Variants in PAX7 observed in about 807,000 individuals in gnomAD.
PAX7 encodes paired box protein Pax-7.
A neutral mutation model predicts 50.7 loss-of-function variants in PAX7; 18 were observed. The observed-to-expected ratio is 0.36, with a 90% CI of 0.25 to 0.53. The LOEUF is 0.53. Ranked by LOEUF, PAX7 falls within the 20% of genes least tolerant of loss-of-function variation. PAX7 has a pLI of 0.93. For missense variants in PAX7, 644 were observed against 702.9 expected (o/e 0.92, Z 0.95); for synonymous variants, 310 against 290.4 (o/e 1.07, Z -0.69).
At chr1:18,651,701 C>G (rs1424938777) in intron 4 of PAX7, among the ~76,000 whole-genome samples, 1 of 152,078 alleles carries the variant, frequency 6.6e-6, no homozygotes, top group Non-Finnish European at 1.5e-5. Flanking sequence ...TCAGGGTCCC[C>G]CAAAGGTTAA....
chr1:18,727,813 G>A (rs1031851955), intron 7 of PAX7, among the ~76,000 whole-genome samples: 1 of 152,310 alleles, frequency 6.6e-6, no homozygotes, highest in Non-Finnish European at 1.5e-5. Flanking sequence ...GGCAGGTGCA[G>A]GGCTTCGGTG....
chr1:18,713,063 C>A (rs1052618706), intron 7 of PAX7, among the ~76,000 whole-genome samples: 2 of 152,058 alleles, frequency 1.3e-5, no homozygotes, highest in African/African-American at 4.8e-5. Flanking sequence ...GCCGGGGCAA[C>A]AGATCAAGAC....
intron 7 of PAX7, among the ~76,000 whole-genome samples, chr1:18,709,794 A>G (rs1216996063): frequency 6.6e-6 from 1 of 152,166 alleles, no homozygotes; most frequent in Admixed American, 6.5e-5. Context: ...AGAGCTCACG[A>G]TGCTACTGTG....
intron 4 of PAX7, among the ~76,000 whole-genome samples, chr1:18,643,781 C>T (rs554622830): frequency 5.9e-5 from 9 of 152,364 alleles, no homozygotes; most frequent in African/African-American, 1.9e-4. Context: ...GTCCCGGCGG[C>T]TCGCTGCGAT....
In PAX7 at chr1:18,744,910, A is replaced by G; in HGVS notation, c.1499A>G (p.Glu500Gly). 1 of 1,551,042 alleles carries G rather than the reference A, an allele frequency of 6.4e-7. No homozygotes were observed. The highest frequency in any genetic ancestry group is 8.7e-7 in the Non-Finnish European group (1 of 1,145,584). The change falls in exon 9 of 9, where the codon GAA (glutamate) becomes GGA (glycine). Residue 500 changes from glutamate (E) to glycine (G), a missense_variant. Coordinates refer to ENST00000420770, the MANE Select transcript of PAX7 (RefSeq NM_001135254.2). Reference sequence around the variant, plus strand: ...GCTGTGCTGGGACTCCTGCCTGTGGAAACTGGCCAGGCCTACTAGGGCCCC... The same window carrying G: ...GCTGTGCTGGGACTCCTGCCTGTGGGAACTGGCCAGGCCTACTAGGGCCCC... ...HSAVLGLLPV[E>G]TGQAY
intron 7 of PAX7, among the ~76,000 whole-genome samples, chr1:18,727,417 A>T (rs929245846): frequency 3.3e-5 from 5 of 150,044 alleles, no homozygotes; most frequent in African/African-American, 1.2e-4. Flanking sequence ...CACAGAGTTA[A>T]CACTCAGGTA....
chr1:18,714,482 C>A (rs2100352654), intron 7 of PAX7, among the ~76,000 whole-genome samples: 1 of 152,270 alleles, frequency 6.6e-6, no homozygotes, highest in Admixed American at 6.5e-5. Context: ...AATTGAACTC[C>A]AGAAGTCTTG....
intron 7 of PAX7, among the ~76,000 whole-genome samples, chr1:18,714,505 A>G (rs1343853535): frequency 6.6e-6 from 1 of 152,154 alleles, no homozygotes; most frequent in East Asian, 1.9e-4. Context: ...AGGTTTCTCT[A>G]CCCAGGCAAT....
intron 4 of PAX7, among the ~76,000 whole-genome samples, chr1:18,647,150 C>T (rs1402805598): frequency 6.6e-6 from 1 of 152,082 alleles, no homozygotes; most frequent in East Asian, 1.9e-4. Context: ...TGGTGCAGGG[C>T]CTCGTCTGCT....
At chr1:18,693,050 A>T (rs575130465) in intron 5 of PAX7, among the ~76,000 whole-genome samples, 7 of 151,996 alleles carry the variant, frequency 4.6e-5, no homozygotes, top group Non-Finnish European at 8.8e-5. Flanking sequence ...AGGGTTGGGG[A>T]TGGAGGAGGA....
rs1570245574 is a variant in PAX7, at chr1:18,735,604, C to T, written c.1156-28C>T. ...GTGTCTCTGGGGTCTGTCCGGTGAGCCTGGCACTAATGGCCTTTTCCCCAC... is the reference window on the plus strand; with the variant it reads ...GTGTCTCTGGGGTCTGTCCGGTGAGTCTGGCACTAATGGCCTTTTCCCCAC... On this transcript the variant is annotated intron_variant, in intron 7 of 8. Coordinates refer to ENST00000420770, the MANE Select transcript of PAX7 (RefSeq NM_001135254.2). This position sits in a 1 kb window ranked among gnomAD's most constrained non-coding sequence, Gnocchi z 4.0. The T allele has an allele frequency of 5.6e-6, 9 of 1,594,648 alleles. No individual in the cohort carries two copies. The highest frequency in any genetic ancestry group is 6.9e-6 in the Non-Finnish European group (8 of 1,167,574).
At chr1:18,648,305 C>T (rs2088377411) in intron 4 of PAX7, among the ~76,000 whole-genome samples, 1 of 150,916 alleles carries the variant, frequency 6.6e-6, no homozygotes, top group African/African-American at 2.4e-5. Flanking sequence ...GGCAATGTCA[C>T]TCTTCATCCA....
rs773443474 is a variant in PAX7 at position 18,636,286 on chromosome 1, A to G, written c.501A>G (p.Lys167=). The G allele has an allele frequency of 1.2e-5, 19 of 1,614,088 alleles. No individual in the cohort carries two copies. Among genetic ancestry groups the G allele is most frequent in the Non-Finnish European group, 1.6e-5 (19 of 1,180,022 alleles). The change falls in exon 4 of 9, where the codon AAA becomes AAG. Residue 167 remains lysine, a synonymous_variant. Coordinates refer to ENST00000420770, the MANE Select transcript of PAX7 (RefSeq NM_001135254.2). This position sits in a 1 kb window ranked among gnomAD's most constrained non-coding sequence, Gnocchi z 5.1. The part of the protein sequence containing the change: ...SRVLRIKFGK[K]EEEDEADKKE... ...TGCTCAGAATCAAGTTCGGGAAGAA[A>G]GAGGAGGAGGATGAAGCGGACAAGA... is the stretch of plus-strand genomic sequence containing the variant.
At position 18,685,898 on chromosome 1, in the gene PAX7, T is replaced by TCCATCACCATCA. The variant is rs561049071; in HGVS notation, c.587-5828_587-5817dup. 3.1e-3 allele frequency among the ~76,000 whole-genome samples: 475 copies of TCCATCACCATCA among 151,884 alleles called. 3 individuals carry two copies. Among genetic ancestry groups the TCCATCACCATCA allele is most frequent in the South Asian group, 0.024 (113 of 4,796 alleles). On this transcript the variant is annotated intron_variant, in intron 4 of 8. Transcript: ENST00000420770. ...GGGAGCTGCCCCCAGCAACCTTCCA[T>TCCATCACCATCA]CCATCACCATCACCATCACCATCAC...
At chr1:18,639,449 GT>G (rs1170581967) in intron 4 of PAX7, among the ~76,000 whole-genome samples, 1 of 150,872 alleles carries the variant, frequency 6.6e-6, no homozygotes, top group African/African-American at 2.4e-5. Flanking sequence ...ATTGTTGGTG[GT>G]GAGTATTCTC....
chr1:18,708,910 C>G (rs949554553), intron 7 of PAX7, among the ~76,000 whole-genome samples: 2 of 152,120 alleles, frequency 1.3e-5, no homozygotes, highest in Admixed American at 1.3e-4. Flanking sequence ...AGACAGGCAT[C>G]AGAAAGTCAT....
At chr1:18,742,880 C>T (rs749073266) in intron 8 of PAX7, among the ~76,000 whole-genome samples, 24 of 152,214 alleles carry the variant, frequency 1.6e-4, no homozygotes, top group Non-Finnish European at 3.2e-4. Context: ...CAGTGTCTCA[C>T]TTCATCCTGA....
At chr1:18,730,779 G>T (rs951925659) in intron 7 of PAX7, among the ~76,000 whole-genome samples, 1 of 151,824 alleles carries the variant, frequency 6.6e-6, no homozygotes, top group African/African-American at 2.4e-5. Flanking sequence ...GCTGTGGAAG[G>T]GGGGCCCCCA....
rs1041056821 is a variant in PAX7 at position 18,636,951 on chromosome 1, G to C, written c.586+580G>C. ...CAGCCCCGCGTTGCCAGGGCGGACT[G>C]GGGGACAGAGAGTGCCTTCCTCTGT... On this transcript the variant is annotated intron_variant, in intron 4 of 8. Transcript: ENST00000420770. This position sits in a 1 kb window ranked among gnomAD's most constrained non-coding sequence, Gnocchi z 5.1. Among the ~76,000 whole-genome samples, 2 of 152,196 alleles carry C rather than the reference G, an allele frequency of 1.3e-5. No homozygotes were observed. The highest frequency in any genetic ancestry group is 4.8e-5 in the African/African-American group (2 of 41,460).
Sources: gnomAD v4.1 joint callset for allele counts (sites outside exome capture counted in the v4.1 genomes callset) on GRCh38, gnomAD v4.1.1 for gene constraint, Gnocchi (gnomAD v3.1) non-coding constraint, MANE v1.5 for transcripts, NCBI Gene and HGNC (gene_info 2026-07-23, HGNC 2026-07-21) for gene names.